Variants in CCDC78 observed in about 807,000 individuals in gnomAD.
The protein encoded by CCDC78 is coiled-coil domain-containing protein 78.
Under a neutral mutation model 61.9 loss-of-function variants are expected in CCDC78, and 78 were observed. The ratio of observed to expected loss-of-function variants is 1.26; its 90% CI spans 1.05 to 1.52. CCDC78 has a LOEUF of 1.52. CCDC78 is among the 40% of genes most tolerant of loss of function. The probability of loss-of-function intolerance (pLI) is 0.00; values close to 1 mark genes in which losing one functional copy is unlikely to be tolerated. For synonymous variants in CCDC78, 287 were observed against 251.9 expected (o/e 1.14, Z -1.32); for missense variants, 737 against 615.5 (o/e 1.20, Z -2.09).
chr16:722,990 C>G lies in CCDC78; in HGVS notation c.1233G>C (p.Leu411=). Residue 411 remains leucine (L), a synonymous_variant, in exon 13 of 14, where the codon CTG becomes CTC. Transcript: ENST00000345165. Reference sequence around the variant, plus strand: ...GCTCTTCAGCCATCGTGGCCCGGACCAGCAGCTGTGCCCGCTCCCGTTCCA... The same window carrying G: ...GCTCTTCAGCCATCGTGGCCCGGACGAGCAGCTGTGCCCGCTCCCGTTCCA... ...AELERERAQL[L]VRATMAEEQL... The G allele has an allele frequency of 1.2e-6, 2 of 1,612,502 alleles. No homozygotes were observed. Among genetic ancestry groups the G allele is most frequent in the Non-Finnish European group, 1.7e-6 (2 of 1,180,002 alleles).
rs2040577908 is a variant in CCDC78 at position 724,104 on chromosome 16, A to G, written c.1053+2T>C. On this transcript the variant is annotated splice_donor_variant, in intron 10 of 13. Transcript: ENST00000345165. LOFTEE classifies it high-confidence loss of function. ...GGAGCTTCTGGGGGTCTCTAGCCTC[A>G]CCTGGTCCTCCCGATGGCTGAAGTC... 9 of 1,590,412 alleles carry G rather than the reference A, an allele frequency of 5.7e-6. No homozygotes were observed. The South Asian group carries it at 9.1e-5, about 16-fold the overall frequency.
At position 723,843 on chromosome 16, in the gene CCDC78, A is replaced by C; in HGVS notation, c.1133+14T>G. ...TCCCCCACAGGCCTCCCCCACACCC[A>C]TGAGGGCACTCACTGTGGCTCTGAT... On this transcript the variant is annotated intron_variant, in intron 11 of 13. Transcript: ENST00000345165. 6.4e-7 allele frequency: 1 copy of C among 1,571,622 alleles called. No homozygotes were observed. The highest frequency in any genetic ancestry group is 1.2e-5 in the South Asian group (1 of 85,996).
chr16:725,775 G>A lies in CCDC78; in HGVS notation c.267+19C>T. The A allele has an allele frequency of 6.3e-7, 1 of 1,596,186 alleles. No homozygotes were observed. Among genetic ancestry groups the A allele is most frequent in the Non-Finnish European group, 8.5e-7 (1 of 1,170,504 alleles). ...CCCCCGTCCCCCATGCACTGAGGCT[G>A]GTTCACACGGCTGCTCACCTCACTC... On this transcript the variant is annotated intron_variant, in intron 3 of 13. Coordinates refer to ENST00000345165, the MANE Select transcript of CCDC78 (RefSeq NM_001378030.1).
intron 11 of CCDC78, 155 bp from the exon 12 acceptor site, chr16:723,316 C>T (rs1596602186): frequency 1.2e-6 from 1 of 829,878 alleles, no homozygotes; most frequent in East Asian, 2.7e-5. Context: ...CTGTGGCGCC[C>T]CCCCCAGGCC....
rs1242459869 is a variant in CCDC78, at chr16:725,864, A to C, written c.197T>G (p.Val66Gly). ...GTGGTGGGTTGTGATCTGAATGTCG[A>C]CCAGCTCCTTGGAGATCTGTGGGTG... ...EQQLQISKELVDIQITTHHLH... is the reference protein window; with the variant it reads ...EQQLQISKELGDIQITTHHLH... The change falls in exon 3 of 14, where the codon GTC (valine) becomes GGC (glycine). Residue 66 changes from valine (V) to glycine (G), a missense_variant. Coordinates refer to ENST00000345165, the MANE Select transcript of CCDC78 (RefSeq NM_001378030.1). 12 of 1,610,742 alleles carry C rather than the reference A, an allele frequency of 7.4e-6. No individual in the cohort carries two copies. Among genetic ancestry groups the C allele is most frequent in the African/African-American group, 1.3e-5 (1 of 74,884 alleles).
chr16:723,219 C>T, intron 11 of CCDC78, 58 bp from the exon 12 acceptor site: 1 of 1,569,028 alleles, frequency 6.4e-7, no homozygotes, highest in South Asian at 1.1e-5. Flanking sequence ...GACACAGGGA[C>T]AGACGTGACC....
chr16:724,321 C>A lies in CCDC78; in HGVS notation c.953+1G>T. ...ACACCTCCCATCCCAGCGGGGCCCACCTGTAGGCAACCAGTAGCTCTTCAT... is the reference window on the plus strand; with the variant it reads ...ACACCTCCCATCCCAGCGGGGCCCAACTGTAGGCAACCAGTAGCTCTTCAT... On this transcript the variant is annotated splice_donor_variant, in intron 9 of 13. Coordinates refer to ENST00000345165, the MANE Select transcript of CCDC78 (RefSeq NM_001378030.1). LOFTEE classifies it high-confidence loss of function. 1 of 1,610,346 alleles carries A rather than the reference C, an allele frequency of 6.2e-7. No homozygotes were observed. The highest frequency in any genetic ancestry group is 8.5e-7 in the Non-Finnish European group (1 of 1,178,186).
intron 8 of CCDC78, 67 bp from the exon 9 acceptor site, chr16:724,576 A>G: frequency 6.4e-7 from 1 of 1,553,476 alleles, no homozygotes; most frequent in African/African-American, 1.4e-5. Context: ...CCCCCACCCC[A>G]GCAGGCTGAG....
chr16:724,072 C>T (rs372088945), intron 10 of CCDC78, 34 bp downstream of exon 10: 45 of 1,563,132 alleles, frequency 2.9e-5, no homozygotes, highest in Middle Eastern at 2.0e-4. Context: ...GGGGGGCACC[C>T]GGGCCTGGAG....
At position 725,600 on chromosome 16, in the gene CCDC78, A is replaced by G. The variant is rs752950500; in HGVS notation, c.268-20T>C. The G allele has an allele frequency of 6.2e-7, 1 of 1,601,780 alleles. No individual in the cohort carries two copies. Among genetic ancestry groups the G allele is most frequent in the Non-Finnish European group, 8.5e-7 (1 of 1,174,208 alleles). Reference sequence around the variant, plus strand: ...AAGGATCTGTGGGACAACTGGCATGAGCAGGTGCACCTGCCCGCGGGCCAC... The same window carrying G: ...AAGGATCTGTGGGACAACTGGCATGGGCAGGTGCACCTGCCCGCGGGCCAC... On this transcript the variant is annotated intron_variant, in intron 3 of 13. Coordinates refer to ENST00000345165, the MANE Select transcript of CCDC78 (RefSeq NM_001378030.1).
Position 726,118 on chromosome 16 carries a change from G to T in CCDC78, c.61-33C>A, listed in dbSNP as rs779463638. 1.9e-6 allele frequency: 3 copies of T among 1,549,320 alleles called. No homozygotes were observed. The South Asian group carries it at 3.6e-5, about 18-fold the overall frequency. ...GGTACCGCCACCCATTCCCCAGGTG[G>T]GTCCCAGGCTGGGCTGTGGCCCCAC... On this transcript the variant is annotated intron_variant, in intron 1 of 13. Transcript: ENST00000345165.
At chr16:724,060 G>T in intron 10 of CCDC78, 46 bp downstream of exon 10, 1 of 895,356 alleles carries the variant, frequency 1.1e-6, no homozygotes, top group Non-Finnish European at 1.4e-6. Flanking sequence ...CAGTGGGTGG[G>T]TGGGGGGCAC....
Position 725,075 on chromosome 16 carries a change from C to T in CCDC78, c.560+3G>A, listed in dbSNP as rs2040730937. On this transcript the variant is annotated splice_donor_region_variant and intron_variant, in intron 6 of 13. Coordinates refer to ENST00000345165, the MANE Select transcript of CCDC78 (RefSeq NM_001378030.1). ...TGGGGCCCCAGGTGAGATGGCCACT[C>T]ACACACGCGTCACCAGTGCCTGCTG... is the stretch of plus-strand genomic sequence containing the variant. 1.2e-6 allele frequency: 2 copies of T among 1,612,662 alleles called. No homozygotes were observed. The highest frequency in any genetic ancestry group is 2.2e-5 in the East Asian group (1 of 44,888).
At chr16:724,560 A>AC in intron 8 of CCDC78, 51 bp from the exon 9 acceptor site, 1 of 1,556,466 alleles carries the variant, frequency 6.4e-7, no homozygotes, top group Non-Finnish European at 8.7e-7. Context: ...ATCTTTTCCA[A>AC]CCATCCCCCC....
rs4984920 is a variant in CCDC78 at position 723,341 on chromosome 16, G to A, written c.1134-180C>T. On this transcript the variant is annotated intron_variant, in intron 11 of 13. Coordinates refer to ENST00000345165, the MANE Select transcript of CCDC78 (RefSeq NM_001378030.1). ...CCCCCCAGGCCTTGGAGCCATCCGT[G>A]TATAGGGACAGCCCGGGCCCAGGGG... The A allele has an allele frequency of 0.52, 393,104 of 753,358 alleles. 109,219 individuals carry two copies. Among genetic ancestry groups the A allele is most frequent in the East Asian group, 0.8 (29,916 of 37,446 alleles). 46.7% of individuals were successfully genotyped at this position (753,358 alleles called of 1,614,324 possible).
chr16:725,037 C>T (rs2040722810), intron 6 of CCDC78, 41 bp downstream of exon 6: 1 of 1,612,582 alleles, frequency 6.2e-7, no homozygotes, highest in Non-Finnish European at 8.5e-7. Context: ...CAGGGGTTCT[C>T]TCTGCTCCAG....
Position 723,159 on chromosome 16 carries a change from C to G in CCDC78, c.1136G>C (p.Gly379Ala). 1 of 1,612,512 alleles carries G rather than the reference C, an allele frequency of 6.2e-7. No individual in the cohort carries two copies. The highest frequency in any genetic ancestry group is 8.5e-7 in the Non-Finnish European group (1 of 1,179,952). ...ASQGGTSEPQ[G>A]LDAASWAQIH... ...CTGGGCCCAGGATGCAGCGTCCAGG[C>G]CCCTGTGAGGGGAGAGGAAAGGAGG... The change falls in exon 12 of 14, where the codon GGC (glycine) becomes GCC (alanine). Residue 379 changes from glycine (G) to alanine (A), a missense_variant and splice_region_variant. Transcript: ENST00000345165.
chr16:726,538 AG>A, upstream of CCDC78: 1 of 710,862 alleles, frequency 1.4e-6, no homozygotes, highest in Non-Finnish European at 2.3e-6. Flanking sequence ...GTTGCTGAGG[AG>A]GGAGGATAGC....
rs951170993 is a variant in CCDC78 at position 724,147 on chromosome 16, G to C, written c.1012C>G (p.Pro338Ala). 1 of 1,605,188 alleles carries C rather than the reference G, an allele frequency of 6.2e-7. No individual in the cohort carries two copies. The highest frequency in any genetic ancestry group is 1.3e-5 in the African/African-American group (1 of 74,688). Reference protein sequence around the residue: ...DIASLDLEPLPVPLVTDFSHR... With the variant: ...DIASLDLEPLAVPLVTDFSHR... ...CTGAAGTCAGTGACCAGGGGCACGG[G>C]CAATGGTTCCAGGTCCAAGCTGGCT... The change falls in exon 10 of 14, where the codon CCC becomes GCC. Residue 338 changes from proline (P) to alanine (A), a missense_variant. Coordinates refer to ENST00000345165, the MANE Select transcript of CCDC78 (RefSeq NM_001378030.1).
Sources: gnomAD v4.1 joint callset for allele counts on GRCh38, gnomAD v4.1.1 for gene constraint, MANE v1.5 for transcripts, NCBI Gene and HGNC (gene_info 2026-07-23, HGNC 2026-07-21) for gene names.